The following MCF2L variants were observed in gnomAD, a reference collection of about 807,000 sequenced individuals.
MCF2L encodes the protein MCF.2 cell line derived transforming sequence like.
Under a neutral mutation model 153.4 loss-of-function variants are expected in MCF2L, and 97 were observed. The ratio of observed to expected loss-of-function variants is 0.63; its 90% CI spans 0.54 to 0.75. The LOEUF (loss-of-function observed/expected upper bound fraction) is 0.75, where lower values mean the gene tolerates loss of function less well. MCF2L is among the 30% of genes least tolerant of loss of function. The probability of loss-of-function intolerance (pLI) is 0.00; values close to 1 mark genes in which losing one functional copy is unlikely to be tolerated. For synonymous variants in MCF2L, 659 were observed against 632.2 expected (o/e 1.04, Z -0.64); for missense variants, 1,347 against 1,495.2 (o/e 0.90, Z 1.64).
intron 2 of MCF2L, among the ~76,000 whole-genome samples, chr13:112,942,137 G>A (rs560014697): frequency 1.1e-4 from 17 of 152,320 alleles, no homozygotes; most frequent in African/African-American, 2.9e-4. Flanking sequence ...AGGCCCACCC[G>A]CAGTTATCTG....
chr13:113,079,755 G>A (rs555413986), intron 15 of MCF2L, among the ~76,000 whole-genome samples: 2 of 150,618 alleles, frequency 1.3e-5, no homozygotes, highest in African/African-American at 4.9e-5. Context: ...TTGTCCACAC[G>A]GAGGAGGGTC....
chr13:113,075,705 C>T (rs1039457287), intron 11 of MCF2L, among the ~76,000 whole-genome samples: 1 of 152,236 alleles, frequency 6.6e-6, no homozygotes, highest in Admixed American at 6.5e-5. Flanking sequence ...CCTGCCTCTC[C>T]AGGCCCCGCC....
chr13:113,034,699 C>T (rs1396186746), intron 3 of MCF2L, among the ~76,000 whole-genome samples: 2 of 152,104 alleles, frequency 1.3e-5, no homozygotes, highest in Non-Finnish European at 2.9e-5. Context: ...CCTGGTCTCA[C>T]CCGCGCCCTT....
chr13:112,943,314 G>A lies in MCF2L; in HGVS notation c.169+40943G>A, dbSNP rs2081595218. 6.6e-6 allele frequency among the ~76,000 whole-genome samples: 1 copy of A among 152,174 alleles called. No homozygotes were observed. The highest frequency in any genetic ancestry group is 2.1e-4 in the South Asian group (1 of 4,836). On this transcript the variant is annotated intron_variant, in intron 2 of 29. Coordinates refer to the MCF2L transcript ENST00000375608. This position sits in a 1 kb window ranked among gnomAD's most constrained non-coding sequence, Gnocchi z 4.2. Reference sequence around the variant, plus strand: ...CCCCACTCCCGAGGCTGTGGTTGGGGGGTCGCGGTCGAGCTCTAGGGCCCC... The same window carrying A: ...CCCCACTCCCGAGGCTGTGGTTGGGAGGTCGCGGTCGAGCTCTAGGGCCCC...
At chr13:112,989,026 T>C (rs2140961544) in intron 1 of MCF2L, among the ~76,000 whole-genome samples, 1 of 119,368 alleles carries the variant, frequency 8.4e-6, no homozygotes, top group African/African-American at 3.2e-5. Context: ...GACATGGAGC[T>C]ACCACGCCCA....
intron 15 of MCF2L, 50 bp downstream of exon 15, chr13:113,078,789 GA>G: frequency 1.3e-6 from 2 of 1,497,994 alleles, no homozygotes; most frequent in Non-Finnish European, 1.8e-6. Context: ...ACCGCAGCCT[GA>G]ACCACCAGAT....
chr13:113,065,124 T>A, intron 7 of MCF2L, 39 bp downstream of exon 7: 9 of 1,315,466 alleles, frequency 6.8e-6, no homozygotes, highest in African/African-American at 1.6e-5. Flanking sequence ...TGTGGGGGGC[T>A]CCGGTCAGTC....
intron 2 of MCF2L, chr13:112,957,812 G>T (rs1424426674): frequency 1.3e-5 from 2 of 152,122 alleles, no homozygotes; most frequent in Admixed American, 6.6e-5. Context: ...GATGACTTTT[G>T]TGAAGTGAAT....
rs770639443 is a variant in MCF2L, at chr13:113,087,726, C to T, written c.2615C>T (p.Thr872Met). 1.1e-5 allele frequency: 18 copies of T among 1,613,922 alleles called. No individual in the cohort carries two copies. Among genetic ancestry groups the T allele is most frequent in the African/African-American group, 1.3e-5 (1 of 74,936 alleles). ...TCGCAGATGGCTGCCGTTGGCATTA[C>T]GGAGAACGTGAAGGGAGATGCTAAG... Reference protein sequence around the residue: ...QSLNMAAVGITENVKGDAKKF... With the variant: ...QSLNMAAVGIMENVKGDAKKF... Residue 872 changes from threonine (T) to methionine (M), a missense_variant, in exon 23 of 30, where the codon ACG becomes ATG. Thr to Met is a moderately conservative substitution (Grantham distance 81, BLOSUM62 -1). Transcript: ENST00000535094.
intron 1 of MCF2L, among the ~76,000 whole-genome samples, chr13:112,996,512 G>A (rs550301828): frequency 2.6e-5 from 4 of 152,302 alleles, no homozygotes; most frequent in South Asian, 2.1e-4. Flanking sequence ...CCAGAACGTC[G>A]CAAATGTTTC....
At chr13:113,030,288 C>T (rs866650614) in intron 3 of MCF2L, among the ~76,000 whole-genome samples, 16 of 144,746 alleles carry the variant, frequency 1.1e-4, no homozygotes, top group African/African-American at 3.4e-4. Flanking sequence ...CAGGTGTGGG[C>T]CCTCGGGTGT....
At chr13:112,956,697 C>G (rs2081762192) in intron 2 of MCF2L, 1 of 152,256 alleles carries the variant, frequency 6.6e-6, no homozygotes, top group South Asian at 2.1e-4. Flanking sequence ...AGGTTGGCCA[C>G]ATAGGTGACG....
chr13:112,979,443 G>A, intron 1 of MCF2L: 1 of 1,410,626 alleles, frequency 7.1e-7, no homozygotes, highest in Non-Finnish European at 9.2e-7. Flanking sequence ...ACTCTGAGGA[G>A]GTGGCTCAGC....
At chr13:112,963,887 G>A (rs2081862297) in intron 2 of MCF2L, among the ~76,000 whole-genome samples, 1 of 152,214 alleles carries the variant, frequency 6.6e-6, no homozygotes, top group African/African-American at 2.4e-5. Context: ...ACTGGCTTCA[G>A]TGTGCACGGC....
chr13:112,899,283 T>C (rs1188622382), intron 1 of MCF2L, among the ~76,000 whole-genome samples: 6 of 152,212 alleles, frequency 3.9e-5, no homozygotes, highest in Admixed American at 3.9e-4. Flanking sequence ...CCAGGGGGCC[T>C]GGCTCTCGGT....
chr13:113,014,640 G>A (rs1327225348), intron 1 of MCF2L, 123 bp from the exon 2 acceptor site: 1 of 692,972 alleles, frequency 1.4e-6, no homozygotes, highest in Non-Finnish European at 2.5e-6. Context: ...CCTTTTTCCA[G>A]CCACGTGACG....
rs905745075 is a variant in MCF2L at position 112,951,554 on chromosome 13, A to G, written c.169+49183A>G. ...ACTCTCCAGAGAATTATGCTGAGTG[A>G]AAAAAGCCAATTCCAAAAGGTTACT... On this transcript the variant is annotated intron_variant, in intron 2 of 29. Coordinates refer to the MCF2L transcript ENST00000375608. This position sits in a 1 kb window ranked among gnomAD's most constrained non-coding sequence, Gnocchi z 4.8. Among the ~76,000 whole-genome samples, 2 of 152,188 alleles carry G rather than the reference A, an allele frequency of 1.3e-5. No homozygotes were observed. Among genetic ancestry groups the G allele is most frequent in the Admixed American group, 1.3e-4 (2 of 15,274 alleles).
Position 113,027,166 on chromosome 13 carries a change from G to A in MCF2L, c.278+2408G>A. 2 of 665,784 alleles carry A rather than the reference G, an allele frequency of 3.0e-6. No homozygotes were observed. The highest frequency in any genetic ancestry group is 5.5e-6 in the Non-Finnish European group (2 of 365,108). 41.2% of individuals were successfully genotyped at this position (665,784 alleles called of 1,614,324 possible). A position where few individuals can be genotyped will look rare whatever the true frequency, so the allele number is the denominator to read the frequency against. On this transcript the variant is annotated intron_variant, in intron 3 of 29. Transcript: ENST00000535094. This position sits in a 1 kb window ranked among gnomAD's most constrained non-coding sequence, Gnocchi z 4.8. ...GTGCAGCCGTGGCCATTACCGTGAAGGTTCTTCATTCTTCAGTCTTTAAAG... is the reference window on the plus strand; with the variant it reads ...GTGCAGCCGTGGCCATTACCGTGAAAGTTCTTCATTCTTCAGTCTTTAAAG...
At chr13:113,083,971 T>C (rs759343691) in intron 17 of MCF2L, 27 bp from the exon 18 acceptor site, 29 of 1,569,990 alleles carry the variant, frequency 1.8e-5, no homozygotes, top group African/African-American at 2.7e-5. Context: ...CTGTCTTTCA[T>C]ACTACTTAAA....
Sources: gnomAD v4.1 joint callset for allele counts (sites outside exome capture counted in the v4.1 genomes callset) on GRCh38, gnomAD v4.1.1 for gene constraint, Gnocchi (gnomAD v3.1) non-coding constraint, MANE v1.5 for transcripts, NCBI Gene and HGNC (gene_info 2026-07-23, HGNC 2026-07-21) for gene names.